Variants in AMOTL1 observed in about 807,000 individuals in gnomAD.
The protein encoded by AMOTL1 is angiomotin like 1, also known as angiomotin-like protein 1.
AMOTL1 carries 45 observed loss-of-function variants against 102.9 expected under a neutral mutation model. That is an observed-to-expected ratio of 0.44 (90% CI 0.34 to 0.56). The LOEUF is 0.56. Ranked by LOEUF, AMOTL1 falls within the 20% of genes least tolerant of loss-of-function variation. The pLI is 0.01. For missense variants in AMOTL1, 1,114 were observed against 1,225.6 expected (o/e 0.91, Z 1.36); for synonymous variants, 481 against 484.7 (o/e 0.99, Z 0.10).
intron 1 of AMOTL1, among the ~76,000 whole-genome samples, chr11:94,789,394 A>G (rs796439101): frequency 3.3e-4 from 51 of 152,252 alleles, no homozygotes; most frequent in African/African-American, 1.2e-3. Flanking sequence ...CCTGACCTCA[A>G]GTAATCCACC....
chr11:94,858,679 C>T (rs1340561136), intron 8 of AMOTL1, among the ~76,000 whole-genome samples: 1 of 152,208 alleles, frequency 6.6e-6, no homozygotes, highest in African/African-American at 2.4e-5. Context: ...CTGGTCCACA[C>T]TCTGACTGGG....
intron 3 of AMOTL1, among the ~76,000 whole-genome samples, chr11:94,809,327 T>TAGCC (rs1951629151): frequency 6.6e-6 from 1 of 152,230 alleles, no homozygotes; most frequent in Admixed American, 6.5e-5. Context: ...CAGTTCAGAC[T>TAGCC]AGCCACATTT....
At position 94,853,867 on chromosome 11, in the gene AMOTL1, C is replaced by T. The variant is rs1028891047; in HGVS notation, c.1795-66C>T. The T allele has an allele frequency of 3.6e-4, 561 of 1,554,572 alleles. 1 individual carries two copies. Among genetic ancestry groups the T allele is most frequent in the Admixed American group, 1.2e-3 (64 of 52,638 alleles). On this transcript the variant is annotated intron_variant, in intron 7 of 12. Transcript: ENST00000433060. ...ATCTCCAGGTAATCTGACCCCACCT[C>T]CTCCACCCCAGCTTTGAGAATCAGT...
At chr11:94,819,371 G>A (rs1388752339) in intron 3 of AMOTL1, among the ~76,000 whole-genome samples, 1 of 152,110 alleles carries the variant, frequency 6.6e-6, no homozygotes, top group Admixed American at 6.5e-5. Flanking sequence ...TGTGGACATA[G>A]GACAGACACA....
chr11:94,722,103 C>T (rs1451389516), intron 1 of AMOTL1, among the ~76,000 whole-genome samples: 1 of 152,122 alleles, frequency 6.6e-6, no homozygotes, highest in African/African-American at 2.4e-5. Context: ...GTTTATGGCT[C>T]CATCTCAGCA....
chr11:94,735,846 C>T (rs1461216910), intron 2 of AMOTL1, among the ~76,000 whole-genome samples: 5 of 152,004 alleles, frequency 3.3e-5, no homozygotes, highest in Admixed American at 3.3e-4. Context: ...ACAGCAAACA[C>T]ATTTTATTTG....
chr11:94,710,561 A>G (rs1591876685), intron 1 of AMOTL1, among the ~76,000 whole-genome samples: 1 of 152,354 alleles, frequency 6.6e-6, no homozygotes, highest in South Asian at 2.1e-4. Flanking sequence ...AATAACAGCT[A>G]ACAGTGGCAG....
chr11:94,714,847 C>T (rs572070473), intron 1 of AMOTL1, among the ~76,000 whole-genome samples: 1 of 152,070 alleles, frequency 6.6e-6, no homozygotes, highest in South Asian at 2.1e-4. Flanking sequence ...CTTTCTATTG[C>T]TTTTCCTATT....
In AMOTL1 at chr11:94,871,680, G is replaced by A. The variant is rs1309424259; in HGVS notation, c.*885G>A. ...CTTTGCATAGCTGGGTTGCAGCTGC[G>A]AACCTCATTCTGACTGTGAACTAAG... On this transcript the variant is annotated 3_prime_UTR_variant, in exon 13 of 13. Transcript: ENST00000433060. The A allele has an allele frequency of 1.3e-5, 2 of 152,138 alleles. No individual in the cohort carries two copies. The highest frequency in any genetic ancestry group is 2.9e-5 in the Non-Finnish European group (2 of 68,018). 9.4% of individuals were successfully genotyped at this position (152,138 alleles called of 1,614,324 possible).
intron 1 of AMOTL1, among the ~76,000 whole-genome samples, chr11:94,727,209 C>T (rs1950275259): frequency 6.6e-6 from 1 of 152,156 alleles, no homozygotes; most frequent in African/African-American, 2.4e-5. Flanking sequence ...CCCAAAGATA[C>T]TGCAAAGATT....
intron 8 of AMOTL1, among the ~76,000 whole-genome samples, chr11:94,856,798 C>A (rs903757529): frequency 6.6e-6 from 1 of 152,220 alleles, no homozygotes; most frequent in Non-Finnish European, 1.5e-5. Flanking sequence ...CTCACCACTT[C>A]CCATAGGGCA....
intron 1 of AMOTL1, among the ~76,000 whole-genome samples, chr11:94,789,084 A>G (rs1951239610): frequency 6.6e-6 from 1 of 152,170 alleles, no homozygotes; most frequent in Non-Finnish European, 1.5e-5. Context: ...CTTGGGGGAA[A>G]AGAGAGTGAG....
upstream of AMOTL1, chr11:94,768,327 GGGGAGCGGGGAGCGCGGACGGCGGC>G (rs1950883472): frequency 1.5e-6 from 2 of 1,361,640 alleles, no homozygotes; most frequent in Admixed American, 3.3e-5. Context: ...GCCCGCGCGC[GGGGAGCGGGGAGCGCGGACGGCGGC>G]GGGAGCGCGC....
intron 1 of AMOTL1, among the ~76,000 whole-genome samples, chr11:94,771,129 A>T (rs1950942669): frequency 6.6e-6 from 1 of 152,162 alleles, no homozygotes; most frequent in Admixed American, 6.6e-5. Context: ...TTGCTAGTGA[A>T]AATTGTAAAA....
intron 8 of AMOTL1, among the ~76,000 whole-genome samples, chr11:94,858,194 G>A (rs1952705107): frequency 6.6e-6 from 1 of 152,156 alleles, no homozygotes; most frequent in African/African-American, 2.4e-5. Flanking sequence ...TCATCTCGCT[G>A]GACTGGTTCA....
intron 3 of AMOTL1, among the ~76,000 whole-genome samples, chr11:94,754,817 T>G (rs1311329242): frequency 6.6e-6 from 1 of 152,238 alleles, no homozygotes; most frequent in East Asian, 1.9e-4. Flanking sequence ...AGTGAATATT[T>G]TTTTTAGTAT....
intron 6 of AMOTL1, among the ~76,000 whole-genome samples, chr11:94,847,171 A>G (rs1401102307): frequency 6.6e-6 from 1 of 152,194 alleles, no homozygotes; most frequent in East Asian, 1.9e-4. Flanking sequence ...CAGTCTCCAC[A>G]TCTTTGTCTG....
intron 3 of AMOTL1, among the ~76,000 whole-genome samples, chr11:94,745,670 G>C (rs1337406893): frequency 1.3e-5 from 2 of 152,184 alleles, no homozygotes; most frequent in African/African-American, 2.4e-5. Flanking sequence ...ACTCAACTGG[G>C]ACCTTGCGTG....
intron 1 of AMOTL1, among the ~76,000 whole-genome samples, chr11:94,790,500 T>C (rs1951265277): frequency 6.6e-6 from 1 of 152,032 alleles, no homozygotes; most frequent in Non-Finnish European, 1.5e-5. Flanking sequence ...GGATGAACTT[T>C]AGAGTAGTTA....
Sources: gnomAD v4.1 joint callset for allele counts (sites outside exome capture counted in the v4.1 genomes callset) on GRCh38, gnomAD v4.1.1 for gene constraint, MANE v1.5 for transcripts, NCBI Gene and HGNC (gene_info 2026-07-23, HGNC 2026-07-21) for gene names.